The following NCAM2 variants were observed in gnomAD, a reference collection of about 807,000 sequenced individuals.
NCAM2 encodes neural cell adhesion molecule 2.
NCAM2 carries 30 observed loss-of-function variants against 98.1 expected under a neutral mutation model. The ratio of observed to expected loss-of-function variants is 0.31; its 90% CI spans 0.23 to 0.41. The LOEUF (loss-of-function observed/expected upper bound fraction) is 0.41, where lower values mean the gene tolerates loss of function less well. Among genes scored for constraint, NCAM2 ranks in the 10% least tolerant of loss-of-function variants. NCAM2 has a pLI of 1.00. For missense variants in NCAM2, 867 were observed against 1,005.8 expected (o/e 0.86, Z 1.87); for synonymous variants, 368 against 342.4 (o/e 1.07, Z -0.83).
intron 15 of NCAM2, among the ~76,000 whole-genome samples, chr21:21,498,674 A>G (rs967210176): frequency 1.3e-5 from 2 of 152,214 alleles, no homozygotes; most frequent in African/African-American, 4.8e-5. Context: ...GGGAGCCGAG[A>G]CATACCAGAG....
chr21:21,278,302 G>T (rs1358519510), intron 1 of NCAM2, among the ~76,000 whole-genome samples: 1 of 152,100 alleles, frequency 6.6e-6, no homozygotes, highest in Non-Finnish European at 1.5e-5. Flanking sequence ...CATCTCTTCA[G>T]ATTCAAGCTT....
At chr21:21,230,157 T>G (rs1330741460) in intron 1 of NCAM2, among the ~76,000 whole-genome samples, 2 of 151,128 alleles carry the variant, frequency 1.3e-5, no homozygotes, top group African/African-American at 4.8e-5. Context: ...GAAATGCCAT[T>G]TGTTTGCAAA....
At position 21,272,508 on chromosome 21, in the gene NCAM2, GCACACACA is replaced by G. The variant is rs57818703; in HGVS notation, c.56-8052_56-8045del. On this transcript the variant is annotated intron_variant, in intron 1 of 17. Coordinates refer to ENST00000400546, the MANE Select transcript of NCAM2 (RefSeq NM_004540.5). ...CACATACACACACATGCGCGCGCGC[GCACACACA>G]CACACACACACACACACTTCCTCAG... Among the ~76,000 whole-genome samples the G allele has an allele frequency of 7.9e-3, 1,188 of 149,586 alleles. 25 individuals are homozygous for G. Among genetic ancestry groups the G allele is most frequent in the African/African-American group, 0.027 (1,095 of 40,836 alleles).
chr21:21,180,065 A>G (rs1256848979), intron 1 of NCAM2, among the ~76,000 whole-genome samples: 2 of 152,158 alleles, frequency 1.3e-5, no homozygotes, highest in South Asian at 4.1e-4. Context: ...GCTTTTGAGC[A>G]GGACTTCATT....
At position 21,297,628 on chromosome 21, in the gene NCAM2, C is replaced by T. The variant is rs60359288; in HGVS notation, c.619+5387C>T. Among the ~76,000 whole-genome samples the T allele has an allele frequency of 9.7e-3, 1,473 of 151,674 alleles. 60 individuals are homozygous for T. In the East Asian group the frequency reaches 0.16, roughly 16 times the overall value. ...CATGCCCACTTACACATCATGGATA[C>T]GCTTTTCTAAAAGAGGATTAATATT... On this transcript the variant is annotated intron_variant, in intron 5 of 17. Transcript: ENST00000400546.
chr21:21,511,230 T>G (rs763285051), intron 16 of NCAM2, among the ~76,000 whole-genome samples: 1 of 152,016 alleles, frequency 6.6e-6, no homozygotes, highest in African/African-American at 2.4e-5. Flanking sequence ...TCTGTCTAAC[T>G]GTATTTTCAT....
At chr21:21,040,617 T>C (rs1008263533) in intron 1 of NCAM2, among the ~76,000 whole-genome samples, 1 of 151,644 alleles carries the variant, frequency 6.6e-6, no homozygotes, top group Non-Finnish European at 1.5e-5. Context: ...AAAAAAGAAA[T>C]CTTGTCATTC....
chr21:21,411,459 A>C (rs2145922929), intron 10 of NCAM2, among the ~76,000 whole-genome samples: 1 of 151,922 alleles, frequency 6.6e-6, no homozygotes, highest in East Asian at 1.9e-4. Flanking sequence ...ACTAAAAATA[A>C]GATTTTGTAT....
At chr21:21,384,706 G>T (rs1000417719) in intron 9 of NCAM2, among the ~76,000 whole-genome samples, 1 of 151,906 alleles carries the variant, frequency 6.6e-6, no homozygotes, top group Admixed American at 6.6e-5. Context: ...AATGTTTAAA[G>T]TAGATGAACA....
chr21:21,413,143 T>C (rs1415250665), intron 10 of NCAM2, among the ~76,000 whole-genome samples: 1 of 152,128 alleles, frequency 6.6e-6, no homozygotes, highest in Non-Finnish European at 1.5e-5. Flanking sequence ...CATCAAAACT[T>C]TATTTTTTTA....
chr21:21,026,168 C>G (rs2064541260), intron 1 of NCAM2, among the ~76,000 whole-genome samples: 1 of 152,052 alleles, frequency 6.6e-6, no homozygotes. Context: ...TGGAAGGAAG[C>G]AAGAGCCGGG....
intron 8 of NCAM2, among the ~76,000 whole-genome samples, chr21:21,365,544 GA>G (rs1031391155): frequency 4.2e-4 from 64 of 151,800 alleles, no homozygotes; most frequent in Non-Finnish European, 7.8e-4. Context: ...TATGCAAGGT[GA>G]AAAAAATAAC....
intron 1 of NCAM2, among the ~76,000 whole-genome samples, chr21:21,035,148 G>A (rs186281367): frequency 1.3e-5 from 2 of 152,222 alleles, no homozygotes; most frequent in Admixed American, 6.5e-5. Context: ...AAGGGACCAG[G>A]TTAATCTTTC....
intron 1 of NCAM2, among the ~76,000 whole-genome samples, chr21:21,202,439 G>A (rs566233000): frequency 9.1e-4 from 103 of 112,848 alleles, no homozygotes; most frequent in Non-Finnish European, 1.5e-3. Flanking sequence ...TTTCTGAGGC[G>A]GAGTTTTGCT....
chr21:21,530,953 T>G (rs1362195698), intron 16 of NCAM2, among the ~76,000 whole-genome samples: 3 of 152,016 alleles, frequency 2.0e-5, no homozygotes, highest in Admixed American at 1.3e-4. Context: ...CTCTACAACT[T>G]CTGACATATT....
chr21:21,261,393 T>C (rs1192902425), intron 1 of NCAM2, among the ~76,000 whole-genome samples: 1 of 152,176 alleles, frequency 6.6e-6, no homozygotes, highest in African/African-American at 2.4e-5. Context: ...AAAATGCTTT[T>C]TTTTCCCCTC....
chr21:21,315,798 C>A (rs1397173227), intron 5 of NCAM2, among the ~76,000 whole-genome samples: 1 of 152,128 alleles, frequency 6.6e-6, no homozygotes, highest in Non-Finnish European at 1.5e-5. Flanking sequence ...TTCTTAATAG[C>A]AATATGTCTG....
chr21:21,111,474 G>A (rs1202188131), intron 1 of NCAM2, among the ~76,000 whole-genome samples: 1 of 152,138 alleles, frequency 6.6e-6, no homozygotes, highest in African/African-American at 2.4e-5. Context: ...AATCCCACAA[G>A]AAGATCGAAG....
At chr21:21,468,095 G>C (rs1464314032) in intron 13 of NCAM2, among the ~76,000 whole-genome samples, 1 of 151,862 alleles carries the variant, frequency 6.6e-6, no homozygotes, top group East Asian at 1.9e-4. Context: ...TCAAAGGCAA[G>C]TATATGAATG....
Sources: gnomAD v4.1 joint callset for allele counts (sites outside exome capture counted in the v4.1 genomes callset) on GRCh38, gnomAD v4.1.1 for gene constraint, MANE v1.5 for transcripts, NCBI Gene and HGNC (gene_info 2026-07-23, HGNC 2026-07-21) for gene names.